Variants in MAF observed in about 807,000 individuals in gnomAD.
MAF encodes the protein MAF bZIP transcription factor.
MAF carries 10 observed loss-of-function variants against 22.0 expected under a neutral mutation model. The ratio of observed to expected loss-of-function variants is 0.45; its 90% CI spans 0.28 to 0.77. MAF has a LOEUF of 0.77. Ranked by LOEUF, MAF falls within the 30% of genes least tolerant of loss-of-function variation. MAF has a pLI of 0.12. For missense variants in MAF, 544 were observed against 548.4 expected (o/e 0.99, Z 0.08); for synonymous variants, 337 against 255.8 (o/e 1.32, Z -3.03).
the MAF span, among the ~76,000 whole-genome samples, chr16:79,529,243 A>G: frequency 6.6e-6 from 1 of 152,128 alleles, no homozygotes; most frequent in Admixed American, 6.5e-5. Context: ...CCATGCGCCA[A>G]AAACCAGGGG....
the MAF span, among the ~76,000 whole-genome samples, chr16:79,210,199 T>A: frequency 0.17 from 26,389 of 152,118 alleles, 2,540 homozygotes; most frequent in East Asian, 0.32. Flanking sequence ...ACCAACTCCA[T>A]TGTTACTAGA....
the MAF span, among the ~76,000 whole-genome samples, chr16:79,548,654 G>T: frequency 6.6e-6 from 1 of 151,990 alleles, no homozygotes; most frequent in African/African-American, 2.4e-5. Context: ...TGGATCCATG[G>T]AGCTCTGTTC....
chr16:79,355,955 A>T, the MAF span, among the ~76,000 whole-genome samples: 1 of 152,068 alleles, frequency 6.6e-6, no homozygotes, highest in Non-Finnish European at 1.5e-5. Context: ...TCCTTCTACA[A>T]CTAATGTCTC....
chr16:79,329,302 T>C, the MAF span, among the ~76,000 whole-genome samples: 1 of 152,144 alleles, frequency 6.6e-6, no homozygotes, highest in African/African-American at 2.4e-5. Context: ...ATGGTAATAA[T>C]CCGACTCTAG....
chr16:79,417,686 C>T, the MAF span, among the ~76,000 whole-genome samples: 2 of 152,148 alleles, frequency 1.3e-5, no homozygotes, highest in Non-Finnish European at 2.9e-5. Flanking sequence ...TCCGTCCCCT[C>T]CCCACATGGC....
the MAF span, among the ~76,000 whole-genome samples, chr16:79,431,174 C>A: frequency 7.0e-4 from 106 of 152,284 alleles, no homozygotes; most frequent in African/African-American, 2.5e-3. Context: ...CATCCCTCAA[C>A]CAAGCATTTT....
the MAF span, among the ~76,000 whole-genome samples, chr16:79,214,120 C>T: frequency 5.3e-5 from 8 of 152,148 alleles, no homozygotes; most frequent in African/African-American, 1.9e-4. Flanking sequence ...CTCACGTTAT[C>T]CCTGTCTTCA....
At chr16:79,557,871 C>G in the MAF span, among the ~76,000 whole-genome samples, 1 of 151,536 alleles carries the variant, frequency 6.6e-6, no homozygotes, top group Non-Finnish European at 1.5e-5. Flanking sequence ...GCTAAAGGTC[C>G]TTAAATCCAT....
chr16:79,585,881 T>C (rs879237258), exon 2 of MAF: 3 of 673,258 alleles, frequency 4.5e-6, no homozygotes, highest in South Asian at 3.3e-5. Flanking sequence ...AAGATGTACC[T>C]CTTTGACTTC....
the MAF span, among the ~76,000 whole-genome samples, chr16:79,408,606 G>GCCTT: frequency 0.98 from 149,456 of 151,766 alleles, 73,619 homozygotes; most frequent in South Asian, 1. Flanking sequence ...CTTCATTCTT[G>GCCTT]CCTTCCTTCC....
chr16:79,297,075 T>C, the MAF span, among the ~76,000 whole-genome samples: 1 of 152,218 alleles, frequency 6.6e-6, no homozygotes, highest in Admixed American at 6.5e-5. Flanking sequence ...TACAGTCGCT[T>C]CTTACTCCCA....
chr16:79,444,064 C>T, the MAF span, among the ~76,000 whole-genome samples: 1 of 151,914 alleles, frequency 6.6e-6, no homozygotes, highest in African/African-American at 2.4e-5. Context: ...GTCTGTAAAC[C>T]ATCATTTTTG....
chr16:79,417,273 A>G, the MAF span, among the ~76,000 whole-genome samples: 1 of 152,188 alleles, frequency 6.6e-6, no homozygotes. Context: ...GGTGAACTAC[A>G]CCGACATAAA....
the MAF span, among the ~76,000 whole-genome samples, chr16:79,425,410 T>A: frequency 4.6e-5 from 7 of 152,294 alleles, no homozygotes; most frequent in South Asian, 1.5e-3. Context: ...TCCGCAGAGA[T>A]AAAAGGCACA....
chr16:79,441,164 T>C, the MAF span, among the ~76,000 whole-genome samples: 1 of 152,238 alleles, frequency 6.6e-6, no homozygotes, highest in Non-Finnish European at 1.5e-5. Flanking sequence ...AAGAGTGAGC[T>C]ACTTACACCA....
At chr16:79,521,473 C>T in the MAF span, among the ~76,000 whole-genome samples, 1 of 152,242 alleles carries the variant, frequency 6.6e-6, no homozygotes, top group Middle Eastern at 3.2e-3. Flanking sequence ...GGACGCATTT[C>T]GTACAGGATC....
At chr16:79,412,363 A>C in the MAF span, among the ~76,000 whole-genome samples, 1 of 152,090 alleles carries the variant, frequency 6.6e-6, no homozygotes, top group Non-Finnish European at 1.5e-5. Context: ...GAAGGGCCCT[A>C]TTGGCTTTAG....
At chr16:79,439,243 G>T in the MAF span, among the ~76,000 whole-genome samples, 1 of 151,556 alleles carries the variant, frequency 6.6e-6, no homozygotes, top group African/African-American at 2.4e-5. Context: ...ATCGTCCTAT[G>T]GGGTAGGTAC....
chr16:79,420,024 A>G, the MAF span, among the ~76,000 whole-genome samples: 4 of 148,380 alleles, frequency 2.7e-5, no homozygotes, highest in African/African-American at 9.9e-5. Flanking sequence ...TTCTTTCTTT[A>G]ACCCATTTGA....
Sources: allele counts gnomAD v4.1 joint callset (sites outside exome capture counted in the v4.1 genomes callset), GRCh38; gene constraint gnomAD v4.1.1; transcripts MANE v1.5; gene names NCBI Gene and HGNC (gene_info 2026-07-23, HGNC 2026-07-21).